Variants in PCDHGA3 observed in about 807,000 individuals in gnomAD.
PCDHGA3 encodes the protein protocadherin gamma-A3.
In PCDHGA3, 40 loss-of-function variants were observed where a neutral mutation model predicts 58.5. The ratio of observed to expected loss-of-function variants is 0.68; its 90% CI spans 0.53 to 0.89. The LOEUF is 0.89. Among genes scored for constraint, PCDHGA3 ranks in the 40% least tolerant of loss-of-function variants. PCDHGA3 has a pLI of 0.00. For missense variants in PCDHGA3, 1,223 were observed against 1,195.9 expected (o/e 1.02, Z -0.33); for synonymous variants, 530 against 525.7 (o/e 1.01, Z -0.11).
At position 141,370,360 on chromosome 5, in the gene PCDHGA3, C is replaced by T. The variant is rs775816151; in HGVS notation, c.2424+23903C>T. 2.2e-5 allele frequency: 34 copies of T among 1,516,792 alleles called. No homozygotes were observed. In the South Asian group the frequency reaches 4.3e-4, roughly 19 times the overall value. The allele number at this position is 1,516,792 out of a possible 1,614,324, so 94.0% of individuals were successfully genotyped here. Reference sequence around the variant, plus strand: ...TGGGATTATTTAAAGATCTCCTCTCCTCGGATTTAGAAAGGCAAAGGCGCA... The same window carrying T: ...TGGGATTATTTAAAGATCTCCTCTCTTCGGATTTAGAAAGGCAAAGGCGCA... On this transcript the variant is annotated intron_variant, in intron 1 of 3. Transcript: ENST00000253812.
intron 1 of PCDHGA3, chr5:141,370,618 T>C: frequency 6.2e-7 from 1 of 1,613,964 alleles, no homozygotes; most frequent in Non-Finnish European, 8.5e-7. Context: ...AAGAAATTCT[T>C]TACCGTGAGC....
Position 141,344,116 on chromosome 5 carries a change from C to G in PCDHGA3, c.83C>G (p.Ser28Cys). The change falls in exon 1 of 4, where the codon TCC becomes TGC. Residue 28 changes from serine (S) to cysteine (C), a missense_variant. By Grantham distance (112) the Ser-to-Cys change is moderately radical (BLOSUM62 -1). Around this residue, in one of 3 missense-constraint regions of PCDHGA3, gnomAD observed 791 missense variants for 708.5 expected, o/e 1.12. Transcript: ENST00000253812. ...ALLGTLCETG[S>C]GQIRYSVSEE... ...CTGGGGACGCTGTGCGAAACAGGAT[C>G]CGGTCAGATCCGCTACTCGGTGTCT... 1 of 1,614,010 alleles carries G rather than the reference C, an allele frequency of 6.2e-7. No individual in the cohort carries two copies.
chr5:141,365,714 A>G (rs1764072437), intron 1 of PCDHGA3: 1 of 1,613,646 alleles, frequency 6.2e-7, no homozygotes, highest in Non-Finnish European at 8.5e-7. Flanking sequence ...CACCTCTGTC[A>G]CAGAAAACAA....
At chr5:141,393,479 C>A (rs375589587) in intron 1 of PCDHGA3, 1 of 1,613,940 alleles carries the variant, frequency 6.2e-7, no homozygotes, top group Non-Finnish European at 8.5e-7. Flanking sequence ...AGCCGCCTCG[C>A]TCTAGCACAG....
intron 1 of PCDHGA3, chr5:141,376,177 C>A (rs1772377034): frequency 6.2e-7 from 1 of 1,614,004 alleles, no homozygotes; most frequent in Non-Finnish European, 8.5e-7. Context: ...TGGCGGTGGC[C>A]GCGGTCTCCT....
At chr5:141,449,264 C>CTG (rs2098633558) in intron 1 of PCDHGA3, among the ~76,000 whole-genome samples, 1 of 152,056 alleles carries the variant, frequency 6.6e-6, no homozygotes, top group African/African-American at 2.4e-5. Context: ...GTACAAAGAA[C>CTG]TGTATCTCCT....
intron 1 of PCDHGA3, chr5:141,413,580 A>G (rs1216926250): frequency 5.0e-6 from 8 of 1,613,804 alleles, no homozygotes; most frequent in Non-Finnish European, 1.7e-6. Context: ...ACAATGCTCC[A>G]AAATTCCAAG....
intron 1 of PCDHGA3, among the ~76,000 whole-genome samples, chr5:141,448,813 C>T (rs1020956433): frequency 2.0e-5 from 3 of 151,800 alleles, no homozygotes; most frequent in Admixed American, 1.3e-4. Context: ...GGCGTGATGG[C>T]GGGCGCCTGT....
intron 1 of PCDHGA3, chr5:141,418,140 A>C (rs1487263767): frequency 6.2e-7 from 1 of 1,613,986 alleles, no homozygotes; most frequent in African/African-American, 1.3e-5. Context: ...GACCGTGAGC[A>C]AATATGCAAA....
intron 1 of PCDHGA3, chr5:141,367,611 T>G (rs868477052): frequency 6.6e-6 from 1 of 152,038 alleles, no homozygotes; most frequent in Non-Finnish European, 1.5e-5. Flanking sequence ...AATGATAACA[T>G]GTAGCATTCT....
chr5:141,488,292 G>A (rs961688781), intron 1 of PCDHGA3, among the ~76,000 whole-genome samples: 1 of 152,216 alleles, frequency 6.6e-6, no homozygotes, highest in African/African-American at 2.4e-5. Flanking sequence ...AAAACAGTAA[G>A]TGAAATCACT....
intron 1 of PCDHGA3, chr5:141,355,799 TA>T (rs1759984627): frequency 6.2e-7 from 1 of 1,613,448 alleles, no homozygotes; most frequent in African/African-American, 1.3e-5. Context: ...GAACGCGCTC[TA>T]GATCGCGAGG....
intron 2 of PCDHGA3, among the ~76,000 whole-genome samples, chr5:141,504,748 T>A (rs979724181): frequency 7.2e-5 from 11 of 151,880 alleles, no homozygotes; most frequent in Non-Finnish European, 1.3e-4. Context: ...CCATTGAATT[T>A]TAGAAATTTC....
intron 1 of PCDHGA3, chr5:141,422,908 C>T (rs1340882515): frequency 2.5e-6 from 4 of 1,614,126 alleles, no homozygotes; most frequent in Non-Finnish European, 3.4e-6. Context: ...CGACAATGCG[C>T]CCGAGATCCT....
At chr5:141,387,602 G>A in intron 1 of PCDHGA3, 3 of 545,116 alleles carry the variant, frequency 5.5e-6, no homozygotes, top group Middle Eastern at 9.5e-4. Context: ...AGCAGCAGAG[G>A]CTGTAGTTTC....
intron 1 of PCDHGA3, among the ~76,000 whole-genome samples, chr5:141,458,236 C>T (rs6874378): frequency 0.18 from 27,546 of 152,106 alleles, 2,658 homozygotes; most frequent in Admixed American, 0.28. Flanking sequence ...AGTCCATGCA[C>T]CAAAATGATA....
intron 2 of PCDHGA3, among the ~76,000 whole-genome samples, chr5:141,500,788 A>T (rs1379810633): frequency 2.6e-5 from 4 of 152,198 alleles, no homozygotes; most frequent in Admixed American, 6.5e-5. Context: ...ATATTATTTT[A>T]CAGAATAAGT....
chr5:141,490,215 G>C lies in PCDHGA3; in HGVS notation c.2425-4592G>C. 6.2e-7 allele frequency: 1 copy of C among 1,614,254 alleles called. No individual in the cohort carries two copies. Among genetic ancestry groups the C allele is most frequent in the African/African-American group, 1.3e-5 (1 of 75,078 alleles). On this transcript the variant is annotated intron_variant, in intron 1 of 3. Coordinates refer to ENST00000253812, the MANE Select transcript of PCDHGA3 (RefSeq NM_018916.4). The surrounding 1 kb of genome is among the most constrained non-coding windows in gnomAD (Gnocchi z 5.4). ...AAATTCATGCAAGAGCCCGTGACCA[G>C]GGACAGCCTGCCATGGAGGGCCACT... is the stretch of plus-strand genomic sequence containing the variant.
At chr5:141,372,130 C>T in intron 1 of PCDHGA3, 4 of 1,613,648 alleles carry the variant, frequency 2.5e-6, no homozygotes, top group South Asian at 1.1e-5. Context: ...GATATGGTGC[C>T]GCGCTCTGCA....
Sources: allele counts gnomAD v4.1 joint callset (sites outside exome capture counted in the v4.1 genomes callset), GRCh38; gene constraint gnomAD v4.1.1; regional missense constraint gnomAD v4.1.1; non-coding constraint Gnocchi (gnomAD v3.1); transcripts MANE v1.5; gene names NCBI Gene and HGNC (gene_info 2026-07-23, HGNC 2026-07-21).